PRKN: variants seen among roughly 807,000 people sequenced by gnomAD.
PRKN encodes E3 ubiquitin-protein ligase parkin.
Under a neutral mutation model 59.5 loss-of-function variants are expected in PRKN, and 56 were observed. That is an observed-to-expected ratio of 0.94 (90% CI 0.76 to 1.18). The LOEUF is 1.18. Ranked by LOEUF, PRKN falls within the 50% of genes most tolerant of loss-of-function variation. The probability of loss-of-function intolerance (pLI) is 0.00; values close to 1 mark genes in which losing one functional copy is unlikely to be tolerated. For missense variants in PRKN, 657 were observed against 596.4 expected (o/e 1.10, Z -1.06); for synonymous variants, 250 against 222.1 (o/e 1.13, Z -1.12).
At chr6:162,540,675 T>TG (rs1362999405) in intron 1 of PRKN, among the ~76,000 whole-genome samples, 1 of 151,572 alleles carries the variant, frequency 6.6e-6, no homozygotes, top group Non-Finnish European at 1.5e-5. Flanking sequence ...GGCATGGTGG[T>TG]GGGTGCCTGT....
chr6:161,770,266 A>G (rs559260178), intron 7 of PRKN, among the ~76,000 whole-genome samples: 1 of 152,210 alleles, frequency 6.6e-6, no homozygotes, highest in South Asian at 2.1e-4. Context: ...AACCGCAGGG[A>G]GCAGAACTTA....
intron 6 of PRKN, among the ~76,000 whole-genome samples, chr6:161,920,189 G>C (rs990238536): frequency 5.9e-5 from 9 of 152,070 alleles, no homozygotes; most frequent in Non-Finnish European, 1.2e-4. Flanking sequence ...TTTGAGACTA[G>C]CCTGGCCAAC....
intron 6 of PRKN, among the ~76,000 whole-genome samples, chr6:161,867,919 C>A (rs559803037): frequency 6.2e-4 from 94 of 151,956 alleles, no homozygotes; most frequent in African/African-American, 2.0e-3. Flanking sequence ...CACCACCATG[C>A]CTGGCTAATT....
chr6:162,630,377 A>G (rs890243049), intron 1 of PRKN, among the ~76,000 whole-genome samples: 2 of 152,136 alleles, frequency 1.3e-5, no homozygotes, highest in African/African-American at 4.8e-5. Context: ...CCAAACTGCT[A>G]ATGGAATTTA....
chr6:162,355,763 G>C (rs1264465182), intron 2 of PRKN, among the ~76,000 whole-genome samples: 1 of 151,688 alleles, frequency 6.6e-6, no homozygotes, highest in African/African-American at 2.4e-5. Flanking sequence ...TTCATCTCAG[G>C]GACCCTGAGT....
intron 5 of PRKN, among the ~76,000 whole-genome samples, chr6:162,051,150 G>A (rs1005002926): frequency 6.6e-6 from 1 of 152,132 alleles, no homozygotes; most frequent in South Asian, 2.1e-4. Context: ...GAAACCTGGA[G>A]CCAAAGCTGT....
In PRKN at chr6:161,408,262, G is replaced by C. The variant is rs553643448; in HGVS notation, c.1084-21385C>G. On this transcript the variant is annotated intron_variant, in intron 9 of 11. Coordinates refer to ENST00000366898, the MANE Select transcript of PRKN (RefSeq NM_004562.3). The stretch of plus-strand genomic sequence containing the variant: ...CTGACAAATGGTCATCATTAAACAT[G>C]GCGTTAGAGAAATGCAAAGATGTTT... 1.6e-4 allele frequency among the ~76,000 whole-genome samples: 24 copies of C among 151,004 alleles called. 1 individual carries two copies. The South Asian group carries it at 4.2e-3, about 26-fold the overall frequency.
chr6:161,778,163 C>A (rs988284075), intron 7 of PRKN, among the ~76,000 whole-genome samples: 4 of 151,960 alleles, frequency 2.6e-5, no homozygotes, highest in Non-Finnish European at 5.9e-5. Context: ...TTGCTTCTTC[C>A]ACAGGTTGAG....
chr6:162,564,446 T>C (rs1779977805), intron 1 of PRKN, among the ~76,000 whole-genome samples: 1 of 151,756 alleles, frequency 6.6e-6, no homozygotes, highest in Non-Finnish European at 1.5e-5. Flanking sequence ...AAAGGGATAA[T>C]AACAGAGAAC....
intron 6 of PRKN, among the ~76,000 whole-genome samples, chr6:161,800,720 G>A (rs1435295037): frequency 6.6e-6 from 1 of 152,142 alleles, no homozygotes. Context: ...GGCACTGGGG[G>A]ACAAAAGTGG....
At chr6:162,053,260 G>A (rs1351116607) in intron 5 of PRKN, among the ~76,000 whole-genome samples, 5 of 152,164 alleles carry the variant, frequency 3.3e-5, no homozygotes, top group African/African-American at 1.2e-4. Flanking sequence ...CGCTGTACCT[G>A]TTGCTGTTGA....
At chr6:162,576,642 T>C (rs1438914854) in intron 1 of PRKN, among the ~76,000 whole-genome samples, 2 of 152,012 alleles carry the variant, frequency 1.3e-5, no homozygotes, top group African/African-American at 2.4e-5. Flanking sequence ...TGAAACCCTG[T>C]CTCTACTAAA....
At chr6:162,511,413 C>T (rs1777611001) in intron 1 of PRKN, among the ~76,000 whole-genome samples, 1 of 151,280 alleles carries the variant, frequency 6.6e-6, no homozygotes, top group Non-Finnish European at 1.5e-5. Context: ...AACAGGAACA[C>T]AGACATGTAC....
At chr6:161,489,531 G>T (rs1777466470) in intron 9 of PRKN, among the ~76,000 whole-genome samples, 2 of 152,138 alleles carry the variant, frequency 1.3e-5, no homozygotes, top group Non-Finnish European at 2.9e-5. Context: ...CTTCACTCCA[G>T]CCTGGGCGAA....
intron 3 of PRKN, among the ~76,000 whole-genome samples, chr6:162,244,034 C>G (rs1425223482): frequency 1.3e-5 from 2 of 152,066 alleles, no homozygotes; most frequent in Admixed American, 6.6e-5. Context: ...AACAGTTGCT[C>G]TTTAGAAACA....
intron 5 of PRKN, among the ~76,000 whole-genome samples, chr6:162,048,639 G>A (rs756766486): frequency 5.9e-5 from 9 of 151,454 alleles, no homozygotes; most frequent in Non-Finnish European, 1.2e-4. Context: ...CCAATCTTTT[G>A]GCTTCCCTGG....
chr6:162,224,817 G>C (rs1778095247), intron 3 of PRKN, among the ~76,000 whole-genome samples: 1 of 152,090 alleles, frequency 6.6e-6, no homozygotes, highest in Non-Finnish European at 1.5e-5. Flanking sequence ...CAATCCCCAG[G>C]GCCCAAGCCA....
At chr6:162,627,066 A>G (rs1782926262) in intron 1 of PRKN, among the ~76,000 whole-genome samples, 1 of 152,190 alleles carries the variant, frequency 6.6e-6, no homozygotes, top group Non-Finnish European at 1.5e-5. Context: ...ACAGAATTCA[A>G]TGCAGTGCTG....
chr6:162,306,396 T>C (rs1274421410), intron 2 of PRKN, among the ~76,000 whole-genome samples: 1 of 152,192 alleles, frequency 6.6e-6, no homozygotes, highest in Non-Finnish European at 1.5e-5. Flanking sequence ...ATTTCCAATA[T>C]GAGTAATTAC....
Sources: allele counts gnomAD v4.1 joint callset (sites outside exome capture counted in the v4.1 genomes callset), GRCh38; gene constraint gnomAD v4.1.1; transcripts MANE v1.5; gene names NCBI Gene and HGNC (gene_info 2026-07-23, HGNC 2026-07-21).